The following KLHL10 variants were observed in gnomAD, a reference collection of about 807,000 sequenced individuals.
KLHL10 encodes kelch-like protein 10.
KLHL10 carries 11 observed loss-of-function variants against 46.6 expected under a neutral mutation model. The observed-to-expected ratio is 0.24, with a 90% CI of 0.15 to 0.39. KLHL10 has a LOEUF of 0.39. Ranked by LOEUF, KLHL10 falls within the 10% of genes least tolerant of loss-of-function variation. KLHL10 has a pLI of 1.00. For synonymous variants in KLHL10, 254 were observed against 279.1 expected (o/e 0.91, Z 0.90); for missense variants, 475 against 789.8 (o/e 0.60, Z 4.78).
intron 3 of KLHL10, 197 bp downstream of exon 3, chr17:41,845,940 G>A (rs1263968771): frequency 2.5e-5 from 19 of 750,566 alleles, no homozygotes; most frequent in South Asian, 2.1e-4. Flanking sequence ...AGCCGGGCAC[G>A]GTGGCTCAAG....
At chr17:41,840,664 T>G (rs1177056574) in intron 1 of KLHL10, among the ~76,000 whole-genome samples, 2 of 151,904 alleles carry the variant, frequency 1.3e-5, no homozygotes, top group East Asian at 3.9e-4. Context: ...AAAAGATTTT[T>G]TCCTCCAGCC....
Position 41,842,094 on chromosome 17 carries a change from C to A in KLHL10, c.466C>A (p.Leu156Met). Residue 156 changes from leucine to methionine, a missense_variant, in exon 2 of 5, where the codon CTG becomes ATG. Physicochemically the swap from Leu to Met is conservative, Grantham distance 15 (BLOSUM62 2). Coordinates refer to ENST00000293303, the MANE Select transcript of KLHL10 (RefSeq NM_152467.5). ...CACGGACTACTACTACTGTCCTGAG[C>A]TGAGGCAGAAGGCCTACATGTTCAT... The part of the protein sequence containing the change: ...KFTDYYYCPE[L>M]RQKAYMFILH... The A allele has an allele frequency of 6.2e-7, 1 of 1,614,138 alleles. No individual in the cohort carries two copies. Among genetic ancestry groups the A allele is most frequent in the Non-Finnish European group, 8.5e-7 (1 of 1,180,042 alleles).
chr17:41,848,258 T>A lies in KLHL10; in HGVS notation c.1778T>A (p.Leu593Gln). 6.2e-7 allele frequency: 1 copy of A among 1,613,734 alleles called. No individual in the cohort carries two copies. Among genetic ancestry groups the A allele is most frequent in the Non-Finnish European group, 8.5e-7 (1 of 1,179,954 alleles). ...ARRDNFPGLA[L>Q]RDEVKYSAST... The stretch of plus-strand genomic sequence containing the variant: ...CGGGACAACTTCCCAGGATTAGCAC[T>A]GCGAGATGAAGTAAAATATTCTGCT... Residue 593 changes from leucine (L) to glutamine (Q), a missense_variant, in exon 5 of 5, where the codon CTG (leucine) becomes CAG (glutamine). Leu to Gln is a moderately radical substitution (Grantham distance 113, BLOSUM62 -2). Coordinates refer to ENST00000293303, the MANE Select transcript of KLHL10 (RefSeq NM_152467.5).
intron 2 of KLHL10, among the ~76,000 whole-genome samples, chr17:41,844,005 C>T (rs1304501084): frequency 6.6e-6 from 1 of 152,024 alleles, no homozygotes; most frequent in East Asian, 2.0e-4. Context: ...TCGTGATCCG[C>T]CTGCCTCGGC....
chr17:41,844,412 G>A (rs981357848), intron 2 of KLHL10, among the ~76,000 whole-genome samples: 3 of 151,846 alleles, frequency 2.0e-5, no homozygotes, highest in African/African-American at 7.3e-5. Context: ...TGTATTTTTA[G>A]TAGAGATGGG....
At chr17:41,836,244 C>T, upstream of KLHL10, 1 of 1,232,060 alleles carries the variant, frequency 8.1e-7, no homozygotes, top group Non-Finnish European at 1.0e-6. Flanking sequence ...GCCCCGCGAC[C>T]GCACTGCGCA....
chr17:41,844,509 G>A (rs1055781639), intron 2 of KLHL10, among the ~76,000 whole-genome samples: 18 of 150,570 alleles, frequency 1.2e-4, no homozygotes, highest in African/African-American at 4.4e-4. Flanking sequence ...TGGGATTGCA[G>A]GCGTGAGCCA....
upstream of KLHL10, chr17:41,835,965 G>C (rs537090104): frequency 1.9e-6 from 3 of 1,570,180 alleles, no homozygotes; most frequent in South Asian, 1.2e-5. Flanking sequence ...CACCTGTCCC[G>C]AGACCCGAGA....
rs954269594 is a variant in KLHL10 at position 41,845,654 on chromosome 17, C to A, written c.1213C>A (p.Arg405Ser). 9 of 1,612,078 alleles carry A rather than the reference C, an allele frequency of 5.6e-6. No individual in the cohort carries two copies. Among genetic ancestry groups the A allele is most frequent in the African/African-American group, 1.3e-5 (1 of 74,976 alleles). ...DGYVRLNTAE[R>S]YEPETNQWTL... Reference sequence around the variant, plus strand: ...CTACGTGCGTCTAAACACTGCTGAACGTTATGAGCCAGAGACCAATCAATG... The same window carrying A: ...CTACGTGCGTCTAAACACTGCTGAAAGTTATGAGCCAGAGACCAATCAATG... Residue 405 changes from arginine (R) to serine (S), a missense_variant, in exon 3 of 5, where the codon CGT becomes AGT. Arg to Ser is a moderately radical substitution (Grantham distance 110, BLOSUM62 -1). Transcript: ENST00000293303.
chr17:41,845,829 A>T, intron 3 of KLHL10, 86 bp downstream of exon 3: 1 of 1,530,582 alleles, frequency 6.5e-7, no homozygotes, highest in Non-Finnish European at 9.0e-7. Context: ...TGGATGGAAG[A>T]CGCAGTGGCA....
intron 1 of KLHL10, 46 bp from the exon 2 acceptor site, chr17:41,841,777 A>G (rs1172969458): frequency 1.2e-6 from 2 of 1,613,526 alleles, no homozygotes; most frequent in Admixed American, 1.7e-5. Flanking sequence ...CTCACCTAAC[A>G]GGAGAGAAAT....
chr17:41,835,986 C>T (rs1555619941), upstream of KLHL10: 1 of 1,539,846 alleles, frequency 6.5e-7, no homozygotes, highest in Non-Finnish European at 8.8e-7. Flanking sequence ...GAACCACTGA[C>T]CCCTGCGCCA....
rs201118830 is a variant in KLHL10, at chr17:41,847,427, CCA to C, written c.1452+28_1452+29del. On this transcript the variant is annotated intron_variant, in intron 4 of 4. Transcript: ENST00000293303. ...GTATATGCGGTAAGTTTATCTAGTA[CCA>C]CACACACACAAAAAACACATTACCC... is the stretch of plus-strand genomic sequence containing the variant. 11 of 1,612,486 alleles carry C rather than the reference CCA, an allele frequency of 6.8e-6. No homozygotes were observed. Among genetic ancestry groups the C allele is most frequent in the Admixed American group, 3.3e-5 (2 of 59,946 alleles).
Position 41,847,408 on chromosome 17 carries a change from G to A in KLHL10, c.1450G>A (p.Ala484Thr). The A allele has an allele frequency of 6.2e-7, 1 of 1,613,974 alleles. No individual in the cohort carries two copies. Among genetic ancestry groups the A allele is most frequent in the Non-Finnish European group, 8.5e-7 (1 of 1,179,976 alleles). ...GATTGCTTATGGAGAACATGTATAT[G>A]CGGTAAGTTTATCTAGTACCACACA... ...GVIAYGEHVYAVGGFDGANRL... is the reference protein window; with the variant it reads ...GVIAYGEHVYTVGGFDGANRL... The change falls in exon 4 of 5, where the codon GCG becomes ACG. Residue 484 changes from alanine to threonine, a missense_variant and splice_region_variant. Ala to Thr is a moderately conservative substitution (Grantham distance 58). Coordinates refer to ENST00000293303, the MANE Select transcript of KLHL10 (RefSeq NM_152467.5).
At chr17:41,836,464 G>T (rs1213293525), upstream of KLHL10, 1 of 984,900 alleles carries the variant, frequency 1.0e-6, no homozygotes. Context: ...GTAGGGTTCT[G>T]CCACTCTTTG....
chr17:41,838,153 A>T (rs2048187571), intron 1 of KLHL10, 27 bp downstream of exon 1: 1 of 1,582,000 alleles, frequency 6.3e-7, no homozygotes, highest in Admixed American at 1.7e-5. Context: ...AAATTCAGCC[A>T]AAGGGGTAAT....
At chr17:41,845,797 A>G in intron 3 of KLHL10, 54 bp downstream of exon 3, 1 of 1,609,108 alleles carries the variant, frequency 6.2e-7, no homozygotes, top group Non-Finnish European at 8.5e-7. Flanking sequence ...AAGACCAGAA[A>G]TGATACTGCT....
intron 1 of KLHL10, among the ~76,000 whole-genome samples, chr17:41,840,643 CA>C (rs34129401): frequency 1.5e-4 from 20 of 137,434 alleles, no homozygotes; most frequent in Admixed American, 3.7e-4. Flanking sequence ...GACTCCATCT[CA>C]AAAAAAAAAA....
chr17:41,835,698 T>C, upstream of KLHL10: 1 of 779,942 alleles, frequency 1.3e-6, no homozygotes, highest in South Asian at 1.5e-5. Flanking sequence ...ATTTGGGTTT[T>C]AGGACAGGCG....
Sources: allele counts gnomAD v4.1 joint callset (sites outside exome capture counted in the v4.1 genomes callset), GRCh38; gene constraint gnomAD v4.1.1; transcripts MANE v1.5; gene names NCBI Gene and HGNC (gene_info 2026-07-23, HGNC 2026-07-21).